Variants in CSMD1 observed in about 807,000 individuals in gnomAD.
CSMD1 encodes CUB and sushi domain-containing protein 1.
In CSMD1, 213 loss-of-function variants were observed where a neutral mutation model predicts 417.5. The observed-to-expected ratio is 0.51, with a 90% CI of 0.46 to 0.57. CSMD1 has a LOEUF of 0.57. Ranked by LOEUF, CSMD1 falls within the 20% of genes least tolerant of loss-of-function variation. The probability of loss-of-function intolerance (pLI) is 0.00; values close to 1 mark genes in which losing one functional copy is unlikely to be tolerated. For missense variants in CSMD1, 6,923 were observed against 4,529.7 expected (o/e 1.53, Z -15.17); for synonymous variants, 2,862 against 1,736.8 (o/e 1.65, Z -16.11).
rs183012506 is a variant in CSMD1 at position 3,257,186 on chromosome 8, G to A, written c.4154-26955C>T. ...AAAACACAAAAATTTGCTGGGTTTG[G>A]TGGTGCATCCATCTGTAATCCCAGC... On this transcript the variant is annotated intron_variant, in intron 26 of 69. Transcript: ENST00000635120. 2.9e-3 allele frequency among the ~76,000 whole-genome samples: 437 copies of A among 152,232 alleles called. 2 individuals are homozygous for A. Among genetic ancestry groups the A allele is most frequent in the African/African-American group, 1.0e-2 (415 of 41,544 alleles).
chr8:3,010,082 C>T (rs562102018), intron 52 of CSMD1, among the ~76,000 whole-genome samples: 37 of 152,304 alleles, frequency 2.4e-4, no homozygotes, highest in Admixed American at 1.2e-3. Flanking sequence ...GCCGGTGTCA[C>T]GTCTTTCTGT....
chr8:4,807,296 T>C (rs1018132310), intron 1 of CSMD1, among the ~76,000 whole-genome samples: 1 of 152,178 alleles, frequency 6.6e-6, no homozygotes, highest in African/African-American at 2.4e-5. Context: ...CATGGCCCTA[T>C]GACAGGCCTC....
intron 3 of CSMD1, among the ~76,000 whole-genome samples, chr8:4,078,557 C>T (rs926604855): frequency 6.6e-6 from 1 of 151,598 alleles, no homozygotes; most frequent in Non-Finnish European, 1.5e-5. Flanking sequence ...AGCCACTGCG[C>T]CCGGCTGATA....
intron 16 of CSMD1, among the ~76,000 whole-genome samples, chr8:3,398,795 G>C (rs1015526884): frequency 3.3e-5 from 5 of 152,092 alleles, no homozygotes; most frequent in African/African-American, 4.8e-5. Flanking sequence ...AACTCCAATA[G>C]CCTGCTTATT....
intron 54 of CSMD1, among the ~76,000 whole-genome samples, chr8:2,990,095 T>C (rs748671106): frequency 8.5e-5 from 13 of 152,246 alleles, no homozygotes; most frequent in East Asian, 5.8e-4. Flanking sequence ...ACAACATTTG[T>C]GGACATTCAT....
intron 1 of CSMD1, among the ~76,000 whole-genome samples, chr8:4,889,840 G>A (rs1401473988): frequency 3.3e-5 from 5 of 152,064 alleles, no homozygotes; most frequent in Admixed American, 1.3e-4. Flanking sequence ...TAGAATTGCT[G>A]GAGTTACTTT....
intron 3 of CSMD1, among the ~76,000 whole-genome samples, chr8:4,189,177 G>C (rs1798867714): frequency 6.6e-6 from 1 of 152,244 alleles, no homozygotes; most frequent in Non-Finnish European, 1.5e-5. Flanking sequence ...TGCACACACA[G>C]CACGTAAGTG....
intron 4 of CSMD1, among the ~76,000 whole-genome samples, chr8:4,005,103 T>C (rs1225693274): frequency 6.6e-6 from 1 of 151,994 alleles, no homozygotes; most frequent in Admixed American, 6.6e-5. Flanking sequence ...TGCAAAGGAA[T>C]AGGAATGATA....
chr8:3,481,146 C>T (rs1398817294), intron 11 of CSMD1, among the ~76,000 whole-genome samples: 1 of 120,952 alleles, frequency 8.3e-6, no homozygotes, highest in Non-Finnish European at 1.6e-5. Flanking sequence ...CAGAGCGAGA[C>T]TCCATCTCAA....
At chr8:4,891,370 C>A (rs1804112114) in intron 1 of CSMD1, among the ~76,000 whole-genome samples, 5 of 152,132 alleles carry the variant, frequency 3.3e-5, no homozygotes, top group Admixed American at 3.3e-4. Flanking sequence ...GCATTTTATT[C>A]ATTGAATAAC....
At chr8:3,655,298 G>A (rs756767189) in intron 7 of CSMD1, among the ~76,000 whole-genome samples, 1 of 152,106 alleles carries the variant, frequency 6.6e-6, no homozygotes, top group Admixed American at 6.5e-5. Flanking sequence ...CTTTGTGCAT[G>A]ATCCTTCAAT....
intron 52 of CSMD1, among the ~76,000 whole-genome samples, chr8:3,013,534 C>A (rs562616850): frequency 4.6e-5 from 7 of 152,056 alleles, no homozygotes; most frequent in Non-Finnish European, 1.0e-4. Context: ...GCAGATCACC[C>A]AAGGTCAGGA....
intron 2 of CSMD1, among the ~76,000 whole-genome samples, chr8:4,506,845 C>A (rs1180149801): frequency 2.0e-5 from 3 of 152,084 alleles, no homozygotes; most frequent in African/African-American, 7.2e-5. Context: ...AAATCCATGT[C>A]TTATATTTGT....
chr8:3,513,931 C>A (rs1797182405), intron 10 of CSMD1, among the ~76,000 whole-genome samples: 1 of 152,048 alleles, frequency 6.6e-6, no homozygotes, highest in South Asian at 2.1e-4. Flanking sequence ...TAAGAAGGGG[C>A]CATTAGAAGT....
rs565059499 is a variant in CSMD1, at chr8:3,736,560, T to C, written c.931+17370A>G. 1.3e-4 allele frequency among the ~76,000 whole-genome samples: 20 copies of C among 152,278 alleles called. No homozygotes were observed. In the South Asian group the frequency reaches 3.1e-3, roughly 24 times the overall value. On this transcript the variant is annotated intron_variant, in intron 6 of 69. Transcript: ENST00000635120. ...TGAGTAGAATATCATTTCCAGTGTGTCTACCACCTGCCTCACCATGGCTCC... is the reference window on the plus strand; with the variant it reads ...TGAGTAGAATATCATTTCCAGTGTGCCTACCACCTGCCTCACCATGGCTCC...
At chr8:3,162,355 T>A in intron 37 of CSMD1, 78 bp from the exon 38 acceptor site, 2 of 886,334 alleles carry the variant, frequency 2.3e-6, no homozygotes. Context: ...AAAGTTTATT[T>A]CTATTGCTCT....
At chr8:4,814,685 G>A (rs1473509001) in intron 1 of CSMD1, among the ~76,000 whole-genome samples, 1 of 152,126 alleles carries the variant, frequency 6.6e-6, no homozygotes, top group Non-Finnish European at 1.5e-5. Context: ...GAACACAACA[G>A]CAAATCCCAG....
intron 5 of CSMD1, among the ~76,000 whole-genome samples, chr8:3,989,825 G>A (rs1321785571): frequency 1.3e-5 from 2 of 152,160 alleles, no homozygotes; most frequent in African/African-American, 4.8e-5. Flanking sequence ...AGTAACCCAA[G>A]CAACAAAATG....
chr8:3,696,245 C>T (rs991109112), intron 7 of CSMD1, among the ~76,000 whole-genome samples: 1 of 152,178 alleles, frequency 6.6e-6, no homozygotes, highest in Non-Finnish European at 1.5e-5. Context: ...TTTAGACAGG[C>T]ACATTGCTCT....
Sources: gnomAD v4.1 joint callset for allele counts (sites outside exome capture counted in the v4.1 genomes callset) on GRCh38, gnomAD v4.1.1 for gene constraint, MANE v1.5 for transcripts, NCBI Gene and HGNC (gene_info 2026-07-23, HGNC 2026-07-21) for gene names.